The following LANCL2 variants were observed in gnomAD, a reference collection of about 807,000 sequenced individuals.
The protein encoded by LANCL2 is lanC-like protein 2.
LANCL2 carries 33 observed loss-of-function variants against 56.9 expected under a neutral mutation model. The ratio of observed to expected loss-of-function variants is 0.58; its 90% confidence interval spans 0.44 to 0.78. The LOEUF (loss-of-function observed/expected upper bound fraction) is 0.78. LANCL2 is among the 30% of genes least tolerant of loss of function. LANCL2 has a pLI of 0.00. For synonymous variants in LANCL2, 233 were observed against 228.2 expected (o/e 1.02, Z -0.19); for missense variants, 562 against 580.2 (o/e 0.97, Z 0.32).
intron 8 of LANCL2, among the ~76,000 whole-genome samples, chr7:55,428,792 ATAAT>A (rs900279835): frequency 2.6e-5 from 4 of 152,158 alleles, no homozygotes; most frequent in African/African-American, 9.7e-5. Context: ...GGAAGCTTGA[ATAAT>A]TACTTAAATA....
chr7:55,371,188 A>G (rs990305662), intron 1 of LANCL2, among the ~76,000 whole-genome samples: 5 of 151,878 alleles, frequency 3.3e-5, no homozygotes, highest in Middle Eastern at 3.2e-3. Flanking sequence ...CCTTCAACCC[A>G]CTGCCTCCGG....
intron 8 of LANCL2, among the ~76,000 whole-genome samples, chr7:55,428,957 T>G (rs1790698010): frequency 6.6e-6 from 1 of 151,926 alleles, no homozygotes; most frequent in Non-Finnish European, 1.5e-5. Flanking sequence ...GATTCCAGAG[T>G]CCACCACGGG....
chr7:55,407,744 T>C (rs1182253415), intron 5 of LANCL2, among the ~76,000 whole-genome samples: 1 of 152,264 alleles, frequency 6.6e-6, no homozygotes, highest in Admixed American at 6.5e-5. Flanking sequence ...TCCAGCTTGC[T>C]GGCCACCCCA....
chr7:55,429,824 G>C (rs1460636559), intron 8 of LANCL2, among the ~76,000 whole-genome samples: 1 of 152,282 alleles, frequency 6.6e-6, no homozygotes, highest in Admixed American at 6.5e-5. Flanking sequence ...GAAGTTAATA[G>C]GTCACCTCCT....
chr7:55,372,929 T>C (rs1162995685), intron 1 of LANCL2, among the ~76,000 whole-genome samples: 2 of 152,210 alleles, frequency 1.3e-5, no homozygotes, highest in African/African-American at 2.4e-5. Flanking sequence ...TCATCATCTC[T>C]GAAAGGGCAT....
intron 8 of LANCL2, among the ~76,000 whole-genome samples, chr7:55,430,601 TG>T (rs1790716941): frequency 6.6e-6 from 1 of 152,262 alleles, no homozygotes; most frequent in South Asian, 2.1e-4. Context: ...TTTGGATTTA[TG>T]TGTTTTATTG....
At position 55,391,877 on chromosome 7, in the gene LANCL2, C is replaced by G. The variant is rs1263585134; in HGVS notation, c.289C>G (p.Pro97Ala). Residue 97 changes from proline to alanine, a missense_variant, in exon 2 of 9, where the codon CCC becomes GCC. Physicochemically the swap from Pro to Ala is conservative, Grantham distance 27. Transcript: ENST00000254770. ...GGAAGAAGGGCTGAAGACAGCTGAT[C>G]CCCATGACTGCTCTGCTTATACTGG... ...QMEEGLKTAD[P>A]HDCSAYTGWT... 4 of 1,609,240 alleles carry G rather than the reference C, an allele frequency of 2.5e-6. No individual in the cohort carries two copies. The highest frequency in any genetic ancestry group is 3.4e-6 in the Non-Finnish European group (4 of 1,175,734).
At chr7:55,375,178 G>T (rs2128991193) in intron 1 of LANCL2, among the ~76,000 whole-genome samples, 1 of 152,264 alleles carries the variant, frequency 6.6e-6, no homozygotes, top group East Asian at 1.9e-4. Flanking sequence ...TCTATTTGTA[G>T]TTAAGATCAT....
chr7:55,402,693 G>C (rs576807074), intron 5 of LANCL2, among the ~76,000 whole-genome samples: 6 of 123,010 alleles, frequency 4.9e-5, no homozygotes, highest in South Asian at 5.0e-4. Context: ...CTGGCCGGGC[G>C]GGGGGCTGAC....
At chr7:55,410,371 C>T (rs1438287222) in intron 5 of LANCL2, among the ~76,000 whole-genome samples, 1 of 152,158 alleles carries the variant, frequency 6.6e-6, no homozygotes, top group African/African-American at 2.4e-5. Flanking sequence ...AGATTTTCTA[C>T]TAAGTATAGT....
intron 8 of LANCL2, among the ~76,000 whole-genome samples, chr7:55,429,255 AGTG>A (rs1478242042): frequency 6.6e-6 from 1 of 152,246 alleles, no homozygotes; most frequent in Non-Finnish European, 1.5e-5. Context: ...AATTGGTATT[AGTG>A]TAACTTAAAT....
chr7:55,423,298 G>A (rs577303692), intron 6 of LANCL2, among the ~76,000 whole-genome samples: 16 of 152,188 alleles, frequency 1.1e-4, no homozygotes, highest in Non-Finnish European at 2.1e-4. Flanking sequence ...TGTGGGCATG[G>A]CTCTAGCAGC....
intron 6 of LANCL2, among the ~76,000 whole-genome samples, chr7:55,422,960 A>G (rs556520964): frequency 6.6e-6 from 1 of 152,292 alleles, no homozygotes. Flanking sequence ...CAGGGACTCT[A>G]GCCCTGCCTC....
At chr7:55,378,625 C>G (rs889714929) in intron 1 of LANCL2, among the ~76,000 whole-genome samples, 2 of 151,978 alleles carry the variant, frequency 1.3e-5, no homozygotes, top group African/African-American at 4.8e-5. Flanking sequence ...TAATCTCCAT[C>G]AAATGTAAAT....
intron 1 of LANCL2, among the ~76,000 whole-genome samples, chr7:55,386,385 T>G (rs1287416747): frequency 6.6e-6 from 1 of 152,222 alleles, no homozygotes; most frequent in East Asian, 1.9e-4. Flanking sequence ...CAATCCACAT[T>G]CTTCTCTCAT....
rs1789901899 is a variant in LANCL2 at position 55,368,644 on chromosome 7, T to C, written c.204+2415T>C. Among the ~76,000 whole-genome samples, 4 of 151,816 alleles carry C rather than the reference T, an allele frequency of 2.6e-5. No homozygotes were observed. The South Asian group carries it at 8.3e-4, about 31-fold the overall frequency. On this transcript the variant is annotated intron_variant, in intron 1 of 8. Coordinates refer to ENST00000254770, the MANE Select transcript of LANCL2 (RefSeq NM_018697.4). ...GAGGATATCACACTATGCACTGTTT[T>C]TGATAGACATGAAATTTCATGAAAA...
chr7:55,387,817 T>G (rs1218880630), intron 1 of LANCL2, among the ~76,000 whole-genome samples: 1 of 152,206 alleles, frequency 6.6e-6, no homozygotes, highest in Non-Finnish European at 1.5e-5. Flanking sequence ...AAAAACAACC[T>G]TACTTTAAGA....
chr7:55,366,135 C>A lies in LANCL2; in HGVS notation c.110C>A (p.Ala37Glu), dbSNP rs771653238. 4.5e-6 allele frequency: 7 copies of A among 1,547,316 alleles called. No individual in the cohort carries two copies. Among genetic ancestry groups the A allele is most frequent in the Non-Finnish European group, 1.7e-6 (2 of 1,144,130 alleles). The change falls in exon 1 of 9, where the codon GCG (alanine) becomes GAG (glutamate). Residue 37 changes from alanine (A) to glutamate (E), a missense_variant. Coordinates refer to ENST00000254770, the MANE Select transcript of LANCL2 (RefSeq NM_018697.4). ...PFPDYEAAAG[A>E]LLASGAAEET... ...CCGGACTACGAGGCCGCCGCCGGGG[C>A]GCTGCTCGCCTCCGGAGCGGCCGAA...
intron 6 of LANCL2, among the ~76,000 whole-genome samples, chr7:55,412,398 T>TA (rs1790481464): frequency 1.3e-5 from 2 of 152,210 alleles, no homozygotes; most frequent in Non-Finnish European, 2.9e-5. Flanking sequence ...TCCAGTAAGG[T>TA]AGTGGACAGG....
Sources: gnomAD v4.1 joint callset for allele counts (sites outside exome capture counted in the v4.1 genomes callset) on GRCh38, gnomAD v4.1.1 for gene constraint, MANE v1.5 for transcripts, NCBI Gene and HGNC (gene_info 2026-07-23, HGNC 2026-07-21) for gene names.